RANBP2: variants seen among roughly 807,000 people sequenced by gnomAD.
The protein encoded by RANBP2 is RAN binding protein 2, also known as E3 SUMO-protein ligase RanBP2.
A neutral mutation model predicts 303.6 loss-of-function variants in RANBP2; 57 were observed. The ratio of observed to expected loss-of-function variants is 0.19; its 90% CI spans 0.15 to 0.23. The LOEUF is 0.23. Among genes scored for constraint, RANBP2 ranks in the 10% least tolerant of loss-of-function variants. RANBP2 has a pLI of 1.00. For synonymous variants in RANBP2, 1,167 were observed against 1,301.5 expected, an observed-to-expected ratio of 0.90 and a Z score of 2.23; for missense variants, 3,138 against 3,780.8, an observed-to-expected ratio of 0.83 and a Z score of 4.46.
At chr2:108,995,137 G>A in the RANBP2 span, among the ~76,000 whole-genome samples, 1 of 151,998 alleles carries the variant, frequency 6.6e-6, no homozygotes, top group African/African-American at 2.4e-5. Context: ...GCCGCATTGG[G>A]TTTTATTTAT....
intron 6 of RANBP2, among the ~76,000 whole-genome samples, chr2:108,740,075 CAGTT>C (rs1695953520): frequency 6.6e-6 from 1 of 151,928 alleles, no homozygotes; most frequent in Non-Finnish European, 1.5e-5. Context: ...AAATACCTGT[CAGTT>C]ATTTACTTAT....
the RANBP2 span, among the ~76,000 whole-genome samples, chr2:109,453,279 GC>G: frequency 6.6e-6 from 1 of 152,208 alleles, no homozygotes; most frequent in Non-Finnish European, 1.5e-5. Flanking sequence ...TGCAGGGGCT[GC>G]CCTGTGGCCA....
chr2:108,830,736 A>C, the RANBP2 span, among the ~76,000 whole-genome samples: 285 of 152,202 alleles, frequency 1.9e-3, 3 homozygotes, highest in African/African-American at 6.6e-3. Context: ...TGAACCCAGG[A>C]GGCAGAGGTT....
the RANBP2 span, among the ~76,000 whole-genome samples, chr2:109,636,316 T>C: frequency 6.6e-6 from 1 of 152,242 alleles, no homozygotes; most frequent in Non-Finnish European, 1.5e-5. Context: ...AAGATTTTTT[T>C]TTTCTATTAA....
At chr2:109,490,905 C>T in the RANBP2 span, 23 of 1,515,694 alleles carry the variant, frequency 1.5e-5, no homozygotes, top group Admixed American at 4.0e-5. Context: ...GGCTGCCATC[C>T]GCCCCGAGCC....
At chr2:109,240,737 C>T in the RANBP2 span, among the ~76,000 whole-genome samples, 5 of 152,002 alleles carry the variant, frequency 3.3e-5, no homozygotes, top group Non-Finnish European at 7.4e-5. Context: ...CTTCTGTTTC[C>T]TTCTGAGCTT....
chr2:109,642,394 A>G, the RANBP2 span, among the ~76,000 whole-genome samples: 1 of 152,210 alleles, frequency 6.6e-6, no homozygotes, highest in Non-Finnish European at 1.5e-5. Flanking sequence ...AGCGCCAAAC[A>G]AAGTTCTTGG....
Position 108,764,251 on chromosome 2 carries a change from C to A in RANBP2, c.3712C>A (p.Gln1238Lys). ...AATTCGCCTTCTAATGAGACGAGAG[C>A]AAGTATTGAAAATCTGTGCAAATCA... ...GKIRLLMRRE[Q>K]VLKICANHYI... Residue 1238 changes from glutamine to lysine, a missense_variant, in exon 20 of 29, where the codon CAA (glutamine) becomes AAA (lysine). Around this residue, in one of 20 missense-constraint regions of RANBP2, gnomAD observed 72 missense variants for 119.5 expected, o/e 0.60. Coordinates refer to ENST00000283195, the MANE Select transcript of RANBP2 (RefSeq NM_006267.5). 1 of 1,614,010 alleles carries A rather than the reference C, an allele frequency of 6.2e-7. No individual in the cohort carries two copies. The highest frequency in any genetic ancestry group is 8.5e-7 in the Non-Finnish European group (1 of 1,179,984).
At chr2:109,615,511 G>A in the RANBP2 span, 3 of 1,613,784 alleles carry the variant, frequency 1.9e-6, no homozygotes, top group Middle Eastern at 1.6e-4. Context: ...ACGAGCGGGG[G>A]TTACACCGCC....
chr2:109,230,200 C>T, the RANBP2 span, among the ~76,000 whole-genome samples: 3 of 151,376 alleles, frequency 2.0e-5, no homozygotes, highest in Non-Finnish European at 2.9e-5. Flanking sequence ...CATTCAAATA[C>T]GGACATTCCT....
At chr2:109,574,738 G>A in the RANBP2 span, 59 of 1,597,554 alleles carry the variant, frequency 3.7e-5, 1 homozygote, top group African/African-American at 7.3e-4. Context: ...CTCAAACTGA[G>A]CATCTATGTA....
At chr2:108,800,608 C>CTTTTTTTTTT in the RANBP2 span, among the ~76,000 whole-genome samples, 6 of 33,492 alleles carry the variant, frequency 1.8e-4, no homozygotes, top group Non-Finnish European at 2.4e-4. Context: ...CTCAGTTTAG[C>CTTTTTTTTTT]TTTTTTTTTT....
chr2:109,150,871 AT>A, the RANBP2 span, among the ~76,000 whole-genome samples: 2 of 152,250 alleles, frequency 1.3e-5, no homozygotes, highest in Non-Finnish European at 2.9e-5. Context: ...GTGAAAAAAA[AT>A]ATGGGCATAT....
the RANBP2 span, among the ~76,000 whole-genome samples, chr2:109,043,366 G>C: frequency 6.6e-6 from 1 of 150,842 alleles, no homozygotes; most frequent in Admixed American, 6.6e-5. Context: ...TTTTTGAGAC[G>C]GAGTCTTCTT....
At chr2:109,212,126 C>T in the RANBP2 span, among the ~76,000 whole-genome samples, 1 of 152,146 alleles carries the variant, frequency 6.6e-6, no homozygotes, top group Non-Finnish European at 1.5e-5. Context: ...GGGCAATGGT[C>T]CGAATCGAGC....
the RANBP2 span, among the ~76,000 whole-genome samples, chr2:109,227,295 T>C: frequency 6.6e-6 from 1 of 152,104 alleles, no homozygotes; most frequent in African/African-American, 2.4e-5. Context: ...TCTGTGAATG[T>C]CAGGCACACA....
At chr2:109,128,974 A>AC in the RANBP2 span, 1 of 420,824 alleles carries the variant, frequency 2.4e-6, no homozygotes, top group South Asian at 1.7e-5. Flanking sequence ...CTCCGCGCGC[A>AC]CCCCCGCGCA....
chr2:108,738,453 AGTACC>A (rs1695806663), intron 6 of RANBP2, among the ~76,000 whole-genome samples: 2 of 152,042 alleles, frequency 1.3e-5, no homozygotes, highest in Non-Finnish European at 1.5e-5. Context: ...TTGACCTTCC[AGTACC>A]TTGTGATCCG....
chr2:108,944,695 C>T, the RANBP2 span, among the ~76,000 whole-genome samples: 2 of 152,102 alleles, frequency 1.3e-5, no homozygotes, highest in African/African-American at 4.8e-5. Context: ...GTCCTGGTGT[C>T]TGGGCCTGGG....
Sources: gnomAD v4.1 joint callset for allele counts (sites outside exome capture counted in the v4.1 genomes callset) on GRCh38, gnomAD v4.1.1 for gene constraint, gnomAD v4.1.1 regional missense constraint, MANE v1.5 for transcripts, NCBI Gene and HGNC (gene_info 2026-07-23, HGNC 2026-07-21) for gene names.